Variants in RNF24 observed in about 807,000 individuals in gnomAD.
The protein encoded by RNF24 is ring finger protein 24.
Under a neutral mutation model 20.0 loss-of-function variants are expected in RNF24, and 14 were observed. That is an observed-to-expected ratio of 0.70 (90% CI 0.46 to 1.10). RNF24 has a LOEUF of 1.10. Ranked by LOEUF, RNF24 falls within the 50% of genes least tolerant of loss-of-function variation. The probability of loss-of-function intolerance (pLI) is 0.00; values close to 1 mark genes in which losing one functional copy is unlikely to be tolerated. For synonymous variants in RNF24, 45 were observed against 61.1 expected (o/e 0.74, Z 1.23); for missense variants, 124 against 177.6 (o/e 0.70, Z 1.71).
At chr20:3,985,530 T>C (rs1979810199) in intron 1 of RNF24, among the ~76,000 whole-genome samples, 2 of 152,308 alleles carry the variant, frequency 1.3e-5, no homozygotes, top group South Asian at 4.1e-4. Flanking sequence ...TTGTTTTCTC[T>C]GGGTTTGTGC....
Position 3,934,202 on chromosome 20 carries a change from C to T in RNF24, c.309-1G>A. The T allele has an allele frequency of 6.2e-7, 1 of 1,606,250 alleles. No homozygotes were observed. Among genetic ancestry groups the T allele is most frequent in the Non-Finnish European group, 8.5e-7 (1 of 1,176,184 alleles). On this transcript the variant is annotated splice_acceptor_variant, in intron 5 of 5. Transcript: ENST00000358395. LOFTEE classifies it high-confidence loss of function. This position sits in a 1 kb window ranked among gnomAD's most constrained non-coding sequence, Gnocchi z 4.0. ...AACCTCCAGCCACTTAATAAGGCAC[C>T]TGCAGAAGGAGACACCACAGGGGGA...
Position 3,932,861 on chromosome 20 carries a change from A to G in RNF24, c.*1202T>C, listed in dbSNP as rs2090840699. 7.5e-6 allele frequency: 3 copies of G among 398,500 alleles called. No homozygotes were observed. Among genetic ancestry groups the G allele is most frequent in the Admixed American group, 8.8e-5 (2 of 22,732 alleles). The allele number at this position is 398,500 out of a possible 1,614,324, so 24.7% of individuals were successfully genotyped here. A position where few individuals can be genotyped will look rare whatever the true frequency, so the allele number is the denominator to read the frequency against. ...TCATTTCTAGAAAAGTTGGACAGAA[A>G]GAGCCAAAGAGCAGCATGCGTTTCT... is the stretch of plus-strand genomic sequence containing the variant. On this transcript the variant is annotated 3_prime_UTR_variant, in exon 6 of 6. Coordinates refer to ENST00000358395, the MANE Select transcript of RNF24 (RefSeq NM_001134337.3).
intron 1 of RNF24, among the ~76,000 whole-genome samples, chr20:4,001,742 C>T (rs934074014): frequency 3.3e-5 from 5 of 151,854 alleles, no homozygotes; most frequent in Admixed American, 6.6e-5. Flanking sequence ...TCAAGACCAG[C>T]CTAGGCAAGA....
At chr20:4,006,815 A>C (rs1232836113) in intron 1 of RNF24, among the ~76,000 whole-genome samples, 2 of 152,228 alleles carry the variant, frequency 1.3e-5, no homozygotes, top group East Asian at 3.9e-4. Context: ...CTTTCCCAAG[A>C]GTGGCCAGCC....
rs545617415 is a variant in RNF24 at position 3,946,591 on chromosome 20, C to T, written c.187-1373G>A. Among the ~76,000 whole-genome samples the T allele has an allele frequency of 6.0e-5, 9 of 149,294 alleles. No homozygotes were observed. The South Asian group carries it at 1.7e-3, about 28-fold the overall frequency. Reference sequence around the variant, plus strand: ...GTAGCCCCAGCTATGCATGCCACCACACTCAGCTAAGGTGGGAGGATCACC... The same window carrying T: ...GTAGCCCCAGCTATGCATGCCACCATACTCAGCTAAGGTGGGAGGATCACC... On this transcript the variant is annotated intron_variant, in intron 3 of 5. Transcript: ENST00000358395.
At chr20:3,938,019 T>C (rs1157671574) in intron 4 of RNF24, among the ~76,000 whole-genome samples, 1 of 152,220 alleles carries the variant, frequency 6.6e-6, no homozygotes, top group Admixed American at 6.5e-5. Context: ...GTTTACCTTT[T>C]TGAGGAGCTA....
In RNF24 at chr20:3,991,863, A is replaced by G. The variant is rs376528487; in HGVS notation, c.-8+23574T>C. On this transcript the variant is annotated intron_variant, in intron 1 of 5. Transcript: ENST00000358395. ...CGAATGACAGTAAAATAACATGAATAATGCACATTATTGTCTTAATCTAAT... is the reference window on the plus strand; with the variant it reads ...CGAATGACAGTAAAATAACATGAATGATGCACATTATTGTCTTAATCTAAT... 7.9e-5 allele frequency among the ~76,000 whole-genome samples: 12 copies of G among 152,234 alleles called. No homozygotes were observed. In the South Asian group the frequency reaches 2.5e-3, roughly 32 times the overall value.
rs1384235716 is a variant in RNF24 at position 3,927,811 on chromosome 20, A to C, written c.*6252T>G. The stretch of plus-strand genomic sequence containing the variant: ...TTGGGACTGGCAAAGGGAGCTGAGA[A>C]GAGAGTTCCCCCAAAGCACAAACAA... On this transcript the variant is annotated 3_prime_UTR_variant, in exon 6 of 6. Transcript: ENST00000358395. 4 of 152,270 alleles carry C rather than the reference A, an allele frequency of 2.6e-5. No individual in the cohort carries two copies. Among genetic ancestry groups the C allele is most frequent in the Non-Finnish European group, 5.9e-5 (4 of 68,064 alleles). The allele number at this position is 152,270 out of a possible 1,614,324, so 9.4% of individuals were successfully genotyped here. A position where few individuals can be genotyped will look rare whatever the true frequency, so the allele number is the denominator to read the frequency against.
At chr20:3,975,968 G>A (rs1026524706) in intron 1 of RNF24, among the ~76,000 whole-genome samples, 1 of 152,104 alleles carries the variant, frequency 6.6e-6, no homozygotes, top group Admixed American at 6.5e-5. Context: ...TGCATTTTTA[G>A]TAGAGATGGG....
chr20:3,988,434 G>C (rs976197493), intron 1 of RNF24, among the ~76,000 whole-genome samples: 4 of 150,060 alleles, frequency 2.7e-5, no homozygotes, highest in Non-Finnish European at 5.9e-5. Flanking sequence ...AATTAATATA[G>C]AGATGGCTCA....
chr20:3,988,764 G>A (rs1980151555), intron 1 of RNF24, among the ~76,000 whole-genome samples: 1 of 152,064 alleles, frequency 6.6e-6, no homozygotes, highest in African/African-American at 2.4e-5. Context: ...AGGCCCATAT[G>A]AAATTTTTTG....
chr20:3,935,516 C>T (rs1402866856), intron 4 of RNF24, among the ~76,000 whole-genome samples: 1 of 152,220 alleles, frequency 6.6e-6, no homozygotes, highest in African/African-American at 2.4e-5. Flanking sequence ...AATCTTTTCT[C>T]CTGTTTTTAT....
chr20:4,014,948 CAAAG>C (rs1982774720), intron 1 of RNF24, among the ~76,000 whole-genome samples: 1 of 152,206 alleles, frequency 6.6e-6, no homozygotes, highest in Non-Finnish European at 1.5e-5. Flanking sequence ...ACAAGCGCCA[CAAAG>C]AAAGGGGAGG....
At chr20:3,936,568 C>T (rs241611) in intron 4 of RNF24, among the ~76,000 whole-genome samples, 48,302 of 152,090 alleles carry the variant, frequency 0.32, 8,335 homozygotes, top group African/African-American at 0.46. Flanking sequence ...AGGTAAAAAT[C>T]CAGCAGTTTC....
At chr20:3,994,529 G>A (rs1980709396) in intron 1 of RNF24, among the ~76,000 whole-genome samples, 1 of 152,170 alleles carries the variant, frequency 6.6e-6, no homozygotes, top group Non-Finnish European at 1.5e-5. Flanking sequence ...CTAAATTCAA[G>A]TATACAAAGG....
intron 1 of RNF24, among the ~76,000 whole-genome samples, chr20:4,005,313 G>A (rs982077188): frequency 6.6e-6 from 1 of 151,894 alleles, no homozygotes; most frequent in Admixed American, 6.6e-5. Flanking sequence ...GTATAATATT[G>A]CCCCTGGCTA....
At chr20:3,974,778 G>A (rs942210930) in intron 1 of RNF24, among the ~76,000 whole-genome samples, 1 of 152,068 alleles carries the variant, frequency 6.6e-6, no homozygotes, top group Non-Finnish European at 1.5e-5. Flanking sequence ...AATAAATGCA[G>A]AGACATACTA....
chr20:3,951,717 A>C (rs1041521742), intron 2 of RNF24, among the ~76,000 whole-genome samples: 1 of 152,282 alleles, frequency 6.6e-6, no homozygotes, highest in South Asian at 2.1e-4. Context: ...TATTTCTATC[A>C]GTCTAGACTC....
At chr20:3,961,372 G>A (rs533347928) in intron 2 of RNF24, among the ~76,000 whole-genome samples, 1 of 151,426 alleles carries the variant, frequency 6.6e-6, no homozygotes, top group African/African-American at 2.4e-5. Flanking sequence ...ACTCCAGCCT[G>A]GGTGACAGAG....
Sources: allele counts gnomAD v4.1 joint callset (sites outside exome capture counted in the v4.1 genomes callset), GRCh38; gene constraint gnomAD v4.1.1; non-coding constraint Gnocchi (gnomAD v3.1); transcripts MANE v1.5; gene names NCBI Gene and HGNC (gene_info 2026-07-23, HGNC 2026-07-21).